The following MARCHF3 variants were observed in gnomAD, a reference collection of about 807,000 sequenced individuals.
The protein encoded by MARCHF3 is membrane associated ring-CH-type finger 3.
MARCHF3 carries 13 observed loss-of-function variants against 24.2 expected under a neutral mutation model. The observed-to-expected ratio is 0.54, with a 90% CI of 0.35 to 0.85. The LOEUF is 0.85. Ranked by LOEUF, MARCHF3 falls within the 40% of genes least tolerant of loss-of-function variation. The pLI is 0.01. For missense variants in MARCHF3, 276 were observed against 325.0 expected (o/e 0.85, Z 1.16); for synonymous variants, 144 against 137.3 (o/e 1.05, Z -0.34).
intron 1 of MARCHF3, among the ~76,000 whole-genome samples, chr5:126,929,133 TTGTC>T (rs1415022948): frequency 6.6e-6 from 1 of 152,212 alleles, no homozygotes; most frequent in African/African-American, 2.4e-5. Flanking sequence ...TCCCAAGCCA[TTGTC>T]TGTTGAAGAA....
chr5:126,959,566 A>G lies in MARCHF3; in HGVS notation c.-56-41339T>C, dbSNP rs550696042. 1.9e-4 allele frequency among the ~76,000 whole-genome samples: 29 copies of G among 152,298 alleles called. 1 individual carries two copies. The highest frequency in any genetic ancestry group is 7.0e-4 in the African/African-American group (29 of 41,572). The stretch of plus-strand genomic sequence containing the variant: ...TATGAATGATGTATGGACTTTAGCT[A>G]ATATCATAATAATGCATCAATCTTG... On this transcript the variant is annotated intron_variant, in intron 1 of 4. Transcript: ENST00000308660.
chr5:126,958,656 C>A (rs1750531232), intron 1 of MARCHF3, among the ~76,000 whole-genome samples: 1 of 152,072 alleles, frequency 6.6e-6, no homozygotes, highest in Admixed American at 6.6e-5. Context: ...ACTGAATATT[C>A]TTCTAGTTAA....
chr5:126,992,411 C>T (rs1251227431), intron 1 of MARCHF3, among the ~76,000 whole-genome samples: 1 of 152,196 alleles, frequency 6.6e-6, no homozygotes, highest in Non-Finnish European at 1.5e-5. Context: ...TATAGGCAGG[C>T]ATCTGAATGG....
At chr5:126,871,807 A>T (rs1299383954) in intron 4 of MARCHF3, among the ~76,000 whole-genome samples, 2 of 151,978 alleles carry the variant, frequency 1.3e-5, no homozygotes, top group African/African-American at 4.8e-5. Flanking sequence ...CACGGGTTCA[A>T]GCGATTCTTG....
chr5:127,005,261 G>A (rs891838347), intron 1 of MARCHF3, among the ~76,000 whole-genome samples: 7 of 150,100 alleles, frequency 4.7e-5, no homozygotes, highest in East Asian at 2.0e-4. Flanking sequence ...CTCAGCCTCC[G>A]AGTAGGTGGG....
In MARCHF3 at chr5:126,883,524, G is replaced by T. The variant is rs542057040; in HGVS notation, c.394-5130C>A. Among the ~76,000 whole-genome samples the T allele has an allele frequency of 3.2e-4, 49 of 152,256 alleles. No homozygotes were observed. The South Asian group carries it at 1.0e-2, about 31-fold the overall frequency. ...ACCCCACCGTAATCAGCACTGAAGGGCCTGAGACAGAAGAGGGGATTAAAG... is the reference window on the plus strand; with the variant it reads ...ACCCCACCGTAATCAGCACTGAAGGTCCTGAGACAGAAGAGGGGATTAAAG... On this transcript the variant is annotated intron_variant, in intron 3 of 4. Transcript: ENST00000308660.
At chr5:126,923,592 T>G (rs1285125115) in intron 1 of MARCHF3, among the ~76,000 whole-genome samples, 1 of 152,130 alleles carries the variant, frequency 6.6e-6, no homozygotes, top group Non-Finnish European at 1.5e-5. Context: ...TCATACCCAA[T>G]TCCAGAGATT....
intron 1 of MARCHF3, among the ~76,000 whole-genome samples, chr5:126,979,236 T>C (rs1026724102): frequency 2.0e-5 from 3 of 152,222 alleles, no homozygotes; most frequent in African/African-American, 7.2e-5. Flanking sequence ...ACTGCGGCTC[T>C]TTAGGACATG....
At chr5:126,886,942 T>C (rs1281042554) in intron 3 of MARCHF3, among the ~76,000 whole-genome samples, 1 of 152,150 alleles carries the variant, frequency 6.6e-6, no homozygotes, top group Non-Finnish European at 1.5e-5. Context: ...CCAGAATACA[T>C]CTTGAGTATG....
At chr5:126,925,944 CTGA>C (rs1421938949) in intron 1 of MARCHF3, among the ~76,000 whole-genome samples, 27 of 152,170 alleles carry the variant, frequency 1.8e-4, no homozygotes, top group Admixed American at 1.8e-3. Context: ...GTCAGGATGT[CTGA>C]TAATACAAGA....
intron 1 of MARCHF3, among the ~76,000 whole-genome samples, chr5:126,950,327 C>A (rs1750185866): frequency 6.6e-6 from 1 of 152,208 alleles, no homozygotes. Flanking sequence ...TGCTGCCCAG[C>A]AATCATTCTT....
At chr5:126,882,485 G>A (rs566572576) in intron 3 of MARCHF3, among the ~76,000 whole-genome samples, 3 of 152,280 alleles carry the variant, frequency 2.0e-5, no homozygotes, top group Admixed American at 6.5e-5. Context: ...TAATAGACAA[G>A]GGGTTGACCT....
intron 1 of MARCHF3, among the ~76,000 whole-genome samples, chr5:126,943,739 G>A (rs949177046): frequency 6.6e-6 from 1 of 151,972 alleles, no homozygotes; most frequent in African/African-American, 2.4e-5. Flanking sequence ...TATGTCACTT[G>A]GGCAAGTAAA....
intron 3 of MARCHF3, among the ~76,000 whole-genome samples, chr5:126,900,053 ACCTTTT>A (rs1230931445): frequency 1.3e-5 from 2 of 152,058 alleles, no homozygotes; most frequent in Non-Finnish European, 2.9e-5. Context: ...TCTGTGCTCC[ACCTTTT>A]CATCCTTCCC....
At chr5:126,917,808 T>C (rs1269585147) in intron 2 of MARCHF3, among the ~76,000 whole-genome samples, 176 bp downstream of exon 2, 1 of 152,044 alleles carries the variant, frequency 6.6e-6, no homozygotes, top group Non-Finnish European at 1.5e-5. Flanking sequence ...CTTTATATCC[T>C]ATTGCTATAG....
chr5:126,962,943 T>C (rs1750689984), intron 1 of MARCHF3, among the ~76,000 whole-genome samples: 2 of 152,062 alleles, frequency 1.3e-5, no homozygotes, highest in African/African-American at 2.4e-5. Flanking sequence ...CTCCATTTTA[T>C]AATGATTTTT....
At chr5:127,018,157 G>A (rs1022446330) in intron 1 of MARCHF3, among the ~76,000 whole-genome samples, 4 of 152,288 alleles carry the variant, frequency 2.6e-5, no homozygotes, top group Admixed American at 6.5e-5. Flanking sequence ...GATCACCTGA[G>A]GTCAGGAGTA....
chr5:126,998,080 A>G (rs955154406), intron 1 of MARCHF3, among the ~76,000 whole-genome samples: 2 of 152,234 alleles, frequency 1.3e-5, no homozygotes, highest in African/African-American at 4.8e-5. Flanking sequence ...AATCTGTTCA[A>G]TGGCAGGAAA....
intron 3 of MARCHF3, among the ~76,000 whole-genome samples, chr5:126,897,045 A>ATTTTTTTTTTTTTTTTTTTTTTTTTTTTT (rs759577287): frequency 8.6e-6 from 1 of 116,444 alleles, no homozygotes; most frequent in Non-Finnish European, 1.7e-5. Context: ...AAGTTTGAGA[A>ATTTTTTTTTTTTTTTTTTTTTTTTTTTTT]TTTTTTTTTT....
Sources: gnomAD v4.1 joint callset for allele counts (sites outside exome capture counted in the v4.1 genomes callset) on GRCh38, gnomAD v4.1.1 for gene constraint, MANE v1.5 for transcripts, NCBI Gene and HGNC (gene_info 2026-07-23, HGNC 2026-07-21) for gene names.